PIK3C2G: variants seen among roughly 807,000 people sequenced by gnomAD.
PIK3C2G encodes the protein phosphatidylinositol 3-kinase C2 domain-containing subunit gamma.
In PIK3C2G, 168 loss-of-function variants were observed where a neutral mutation model predicts 181.1. The ratio of observed to expected loss-of-function variants is 0.93; its 90% CI spans 0.82 to 1.05. PIK3C2G has a LOEUF of 1.05. PIK3C2G is among the 50% of genes least tolerant of loss of function. The pLI is 0.00. For missense variants in PIK3C2G, 1,869 were observed against 1,732.8 expected (o/e 1.08, Z -1.40); for synonymous variants, 573 against 592.2 (o/e 0.97, Z 0.47).
At chr12:18,550,393 T>C (rs1944663316) in intron 26 of PIK3C2G, among the ~76,000 whole-genome samples, 1 of 152,074 alleles carries the variant, frequency 6.6e-6, no homozygotes, top group African/African-American at 2.4e-5. Flanking sequence ...ATGACTCAAA[T>C]AACTGTTAAA....
chr12:18,683,673 C>G, the PIK3C2G span: 1 of 1,270,922 alleles, frequency 7.9e-7, no homozygotes, highest in South Asian at 1.2e-5. Context: ...TAATTGGGAG[C>G]ACAGTGTAAA....
chr12:18,510,981 C>T (rs185171769), intron 24 of PIK3C2G, among the ~76,000 whole-genome samples: 166 of 152,204 alleles, frequency 1.1e-3, no homozygotes, highest in African/African-American at 3.8e-3. Flanking sequence ...ATCAATAGCT[C>T]CCATTCCCCC....
intron 32 of PIK3C2G, 43 bp from the exon 33 acceptor site, chr12:18,647,833 A>T: frequency 1.6e-6 from 2 of 1,244,244 alleles, no homozygotes; most frequent in South Asian, 1.9e-5. Flanking sequence ...AGATGTATTT[A>T]AGCATTTCTG....
chr12:18,609,677 ATCAC>A, intron 31 of PIK3C2G, 48 bp downstream of exon 31: 1 of 1,139,486 alleles, frequency 8.8e-7, no homozygotes, highest in Non-Finnish European at 1.3e-6. Flanking sequence ...ACATCCAGAA[ATCAC>A]TTACCTCCTT....
chr12:18,486,760 G>A (rs1287829091), intron 18 of PIK3C2G, among the ~76,000 whole-genome samples: 2 of 151,888 alleles, frequency 1.3e-5, no homozygotes, highest in South Asian at 4.1e-4. Context: ...TCCCTATTCC[G>A]ATGAATCCCA....
In PIK3C2G at chr12:18,511,876, C is replaced by CA. The variant is rs1199024261; in HGVS notation, c.3323+6423dup. Among the ~76,000 whole-genome samples the CA allele has an allele frequency of 4.6e-5, 7 of 151,440 alleles. No individual in the cohort carries two copies. The East Asian group carries it at 5.8e-4, about 13-fold the overall frequency. ...TTGCATGTGCTTTTGGGGTCTTATCCAAAAAAAATTGCTGAGACCAATGTC... is the reference window on the plus strand; with the variant it reads ...TTGCATGTGCTTTTGGGGTCTTATCCAAAAAAAAATTGCTGAGACCAATGTC... On this transcript the variant is annotated intron_variant, in intron 24 of 32. Transcript: ENST00000538779.
chr12:18,662,587 G>T, the PIK3C2G span, among the ~76,000 whole-genome samples: 2 of 152,006 alleles, frequency 1.3e-5, no homozygotes, highest in Non-Finnish European at 2.9e-5. Flanking sequence ...TTGTAACTTT[G>T]GTCTGCAGCT....
At chr12:18,584,200 T>A (rs1467166684) in intron 29 of PIK3C2G, among the ~76,000 whole-genome samples, 3 of 151,746 alleles carry the variant, frequency 2.0e-5, no homozygotes, top group South Asian at 2.1e-4. Context: ...GCTAATTTTT[T>A]TTTTTTGTAT....
At chr12:18,494,386 ATGTG>A (rs143429375) in intron 20 of PIK3C2G, among the ~76,000 whole-genome samples, 2 of 151,544 alleles carry the variant, frequency 1.3e-5, no homozygotes, top group Admixed American at 6.6e-5. Context: ...TCAACTTAAT[ATGTG>A]TGTGTGTGGG....
At chr12:18,695,170 T>A in the PIK3C2G span, 4,492 of 1,273,074 alleles carry the variant, frequency 3.5e-3, 58 homozygotes, top group Admixed American at 8.5e-3. Flanking sequence ...TAATGGATTC[T>A]ATGTCCCCAA....
At chr12:18,650,191 CT>C (rs1214237617), downstream of PIK3C2G, among the ~76,000 whole-genome samples, 1 of 151,804 alleles carries the variant, frequency 6.6e-6, no homozygotes, top group Non-Finnish European at 1.5e-5. Flanking sequence ...TATTAGGGTT[CT>C]TTTCCCCCAG....
At chr12:18,580,713 G>A (rs2136421706) in intron 29 of PIK3C2G, among the ~76,000 whole-genome samples, 1 of 152,192 alleles carries the variant, frequency 6.6e-6, no homozygotes, top group African/African-American at 2.4e-5. Flanking sequence ...ATAGTGGGTG[G>A]AACTACATTA....
In PIK3C2G at chr12:18,368,226, G is replaced by C. The variant is rs184334646; in HGVS notation, c.1749-2954G>C. Among the ~76,000 whole-genome samples the C allele has an allele frequency of 1.4e-4, 22 of 152,232 alleles. No individual in the cohort carries two copies. In the East Asian group the frequency reaches 4.1e-3, roughly 28 times the overall value. On this transcript the variant is annotated intron_variant, in intron 12 of 32. Coordinates refer to ENST00000538779, the MANE Select transcript of PIK3C2G (RefSeq NM_001288772.2). ...AGGAATGTGTTTTTTACAAACCTGTGTATTAAATGCACAATGGCTGATACA... is the reference window on the plus strand; with the variant it reads ...AGGAATGTGTTTTTTACAAACCTGTCTATTAAATGCACAATGGCTGATACA...
chr12:18,663,625 C>G, the PIK3C2G span, among the ~76,000 whole-genome samples: 3 of 151,152 alleles, frequency 2.0e-5, no homozygotes, highest in African/African-American at 7.3e-5. Context: ...AACATAACAG[C>G]AAAAACTGTA....
At chr12:18,251,604 A>G (rs1948095958) in intron 1 of PIK3C2G, among the ~76,000 whole-genome samples, 1 of 152,080 alleles carries the variant, frequency 6.6e-6, no homozygotes, top group Non-Finnish European at 1.5e-5. Context: ...ATATCTGTTG[A>G]AATGGAAGGC....
chr12:18,253,084 G>A (rs570961294), intron 1 of PIK3C2G, among the ~76,000 whole-genome samples: 5 of 152,110 alleles, frequency 3.3e-5, no homozygotes, highest in East Asian at 1.9e-4. Context: ...AGATCTATGC[G>A]TCTCACTGTG....
chr12:18,405,795 T>C (rs934627660), intron 16 of PIK3C2G, among the ~76,000 whole-genome samples: 8 of 152,210 alleles, frequency 5.3e-5, no homozygotes, highest in Non-Finnish European at 1.0e-4. Context: ...TGTGGTACAA[T>C]ATAATCTTTT....
intron 24 of PIK3C2G, among the ~76,000 whole-genome samples, chr12:18,514,305 G>A (rs1443871797): frequency 2.0e-5 from 3 of 151,784 alleles, no homozygotes; most frequent in Non-Finnish European, 4.4e-5. Flanking sequence ...GTATCCTACT[G>A]CTATTGGATG....
intron 24 of PIK3C2G, among the ~76,000 whole-genome samples, chr12:18,537,384 T>A (rs1943915987): frequency 6.6e-6 from 1 of 152,052 alleles, no homozygotes; most frequent in African/African-American, 2.4e-5. Context: ...CCAACAGGGA[T>A]GTTTCCAATC....
Sources: allele counts gnomAD v4.1 joint callset (sites outside exome capture counted in the v4.1 genomes callset), GRCh38; gene constraint gnomAD v4.1.1; transcripts MANE v1.5; gene names NCBI Gene and HGNC (gene_info 2026-07-23, HGNC 2026-07-21).